Variants in SPATA22 observed in about 807,000 individuals in gnomAD.
The protein encoded by SPATA22 is spermatogenesis associated 22.
In SPATA22, 29 loss-of-function variants were observed where a neutral mutation model predicts 47.8. That is an observed-to-expected ratio of 0.61 (90% confidence interval 0.45 to 0.83). The LOEUF is 0.83. Among genes scored for constraint, SPATA22 ranks in the 40% least tolerant of loss-of-function variants. The pLI is 0.00. For synonymous variants in SPATA22, 133 were observed against 140.9 expected (o/e 0.94, Z 0.40); for missense variants, 410 against 421.7 (o/e 0.97, Z 0.24).
intron 1 of SPATA22, chr17:3,499,918 T>G (rs1374291248): frequency 2.0e-5 from 3 of 152,208 alleles, no homozygotes; most frequent in Non-Finnish European, 2.9e-5. Context: ...CTTGCACTGG[T>G]TAGCCAAGTT....
rs1428675904 is a variant in SPATA22, at chr17:3,462,490, C to A, written c.322G>T (p.Gly108Cys). 1.2e-5 allele frequency: 19 copies of A among 1,597,346 alleles called. No individual in the cohort carries two copies. The highest frequency in any genetic ancestry group is 1.4e-5 in the Non-Finnish European group (17 of 1,174,902). The change falls in exon 5 of 9, where the codon GGT (glycine) becomes TGT (cysteine). Residue 108 changes from glycine (G) to cysteine (C), a missense_variant. Transcript: ENST00000572969. ...IQSNTGRSQG[G>C]WSYRDGNKNT... is the part of the protein sequence containing the mutation. ...AATTTTAAGTAGACTCACCTCCAAC[C>A]ACCCTGGCTTCTTCCAGTATTTGAT...
chr17:3,446,716 A>G, intron 6 of SPATA22, 115 bp from the exon 7 acceptor site: 1 of 851,772 alleles, frequency 1.2e-6, no homozygotes, highest in Non-Finnish European at 1.7e-6. Flanking sequence ...TGTAAAAAGA[A>G]CTACTGAAAA....
intron 1 of SPATA22, among the ~76,000 whole-genome samples, chr17:3,508,338 GTGGCGATTCCTCA>G (rs2074061724): frequency 6.6e-6 from 1 of 151,458 alleles, no homozygotes; most frequent in African/African-American, 2.4e-5. Context: ...GGAAGTCAGT[GTGGCGATTCCTCA>G]GGGATCTAGA....
Position 3,490,867 on chromosome 17 carries a change from C to G in SPATA22, c.-73-21469G>C, listed in dbSNP as rs188966597. ...GTTCCTGGAACACCCCACCCCTTAA[C>G]CCCTTATCTCTGCTTCAACCAGAGC... On this transcript the variant is annotated intron_variant, in intron 1 of 8. Transcript: ENST00000541913. The surrounding 1 kb of genome is among the most constrained non-coding windows in gnomAD (Gnocchi z 4.6). 1.3e-5 allele frequency among the ~76,000 whole-genome samples: 2 copies of G among 152,286 alleles called. No individual in the cohort carries two copies. Among genetic ancestry groups the G allele is most frequent in the African/African-American group, 4.8e-5 (2 of 41,574 alleles).
At chr17:3,460,598 G>A (rs2073103452) in intron 5 of SPATA22, among the ~76,000 whole-genome samples, 1 of 151,746 alleles carries the variant, frequency 6.6e-6, no homozygotes, top group Non-Finnish European at 1.5e-5. Context: ...AGACCAGCCT[G>A]GGCAACACAG....
At chr17:3,486,202 G>A (rs1180925115) in intron 1 of SPATA22, among the ~76,000 whole-genome samples, 1 of 152,138 alleles carries the variant, frequency 6.6e-6, no homozygotes, top group Non-Finnish European at 1.5e-5. Flanking sequence ...CCAAAGTGCT[G>A]GGATTACAGG....
chr17:3,471,964 G>T, upstream of SPATA22: 2 of 625,994 alleles, frequency 3.2e-6, no homozygotes, highest in Non-Finnish European at 4.0e-6. Flanking sequence ...GTGGACCCAG[G>T]GATGGCTCCA....
exon 1 of SPATA22, chr17:3,513,662 G>T: frequency 2.5e-6 from 1 of 395,222 alleles, no homozygotes; most frequent in Non-Finnish European, 4.5e-6. Context: ...AGGCTCCCAG[G>T]CTCCAGACTG....
intron 5 of SPATA22, among the ~76,000 whole-genome samples, chr17:3,460,974 C>T (rs1046939699): frequency 1.3e-5 from 2 of 152,030 alleles, no homozygotes; most frequent in African/African-American, 4.8e-5. Context: ...TGTCCATATC[C>T]TAATACTGGT....
At chr17:3,480,473 G>T (rs868566305) in intron 1 of SPATA22, among the ~76,000 whole-genome samples, 4 of 152,182 alleles carry the variant, frequency 2.6e-5, no homozygotes, top group African/African-American at 4.8e-5. Context: ...CAGTTCCTAC[G>T]TGGGGACCAC....
chr17:3,503,722 CAT>C (rs1404183066), intron 1 of SPATA22, among the ~76,000 whole-genome samples: 2 of 152,062 alleles, frequency 1.3e-5, no homozygotes, highest in African/African-American at 4.8e-5. Flanking sequence ...TAATCTATAA[CAT>C]ATTGCTGTGT....
chr17:3,487,073 C>CGTGT (rs59690349), intron 1 of SPATA22, among the ~76,000 whole-genome samples: 74 of 150,878 alleles, frequency 4.9e-4, no homozygotes, highest in African/African-American at 1.6e-3. Context: ...TGTGTGTGTG[C>CGTGT]GTGTGTGTGT....
intron 1 of SPATA22, among the ~76,000 whole-genome samples, chr17:3,491,315 CTT>C (rs1223178744): frequency 6.6e-6 from 1 of 151,860 alleles, no homozygotes; most frequent in Admixed American, 6.6e-5. Flanking sequence ...AGGTAATGGT[CTT>C]TTTTTTCTGC....
At position 3,448,771 on chromosome 17, in the gene SPATA22, T is replaced by C; in HGVS notation, c.672+36A>G. 3.4e-6 allele frequency: 5 copies of C among 1,465,158 alleles called. 1 individual carries two copies. The highest frequency in any genetic ancestry group is 2.8e-6 in the Non-Finnish European group (3 of 1,080,904). 90.8% of individuals were successfully genotyped at this position (1,465,158 alleles called of 1,614,324 possible). On this transcript the variant is annotated intron_variant, in intron 6 of 8. Coordinates refer to ENST00000572969, the MANE Select transcript of SPATA22 (RefSeq NM_001170698.2). ...AATATTTACCTCATATTTTTAAAAA[T>C]GTAAATAAGTCATTAATTTGTATTT...
At chr17:3,440,705 T>C (rs774474950) in intron 8 of SPATA22, 24 of 159,788 alleles carry the variant, frequency 1.5e-4, no homozygotes, top group Non-Finnish European at 2.7e-4. Context: ...ACAATTAGGA[T>C]AGCTGGATGA....
chr17:3,503,076 G>A (rs2074009278), intron 1 of SPATA22: 1 of 152,090 alleles, frequency 6.6e-6, no homozygotes, highest in African/African-American at 2.4e-5. Flanking sequence ...GCCCCACCAG[G>A]GCCCTCCCCG....
chr17:3,478,848 T>C (rs144935185), intron 1 of SPATA22, among the ~76,000 whole-genome samples: 22 of 152,348 alleles, frequency 1.4e-4, no homozygotes, highest in Non-Finnish European at 1.0e-4. Context: ...AAAATCACCC[T>C]AGAACCTTCC....
At chr17:3,462,644 C>T (rs371855375) in intron 4 of SPATA22, 63 bp downstream of exon 4, 23 of 1,572,966 alleles carry the variant, frequency 1.5e-5, no homozygotes, top group Admixed American at 5.0e-5. Context: ...TTAAGATATA[C>T]GTAGAAGAAC....
chr17:3,486,211 G>C (rs2073718783), intron 1 of SPATA22, among the ~76,000 whole-genome samples: 1 of 152,182 alleles, frequency 6.6e-6, no homozygotes, highest in Non-Finnish European at 1.5e-5. Flanking sequence ...TGGGATTACA[G>C]GCGTGAGCCA....
Sources: allele counts gnomAD v4.1 joint callset (sites outside exome capture counted in the v4.1 genomes callset), GRCh38; gene constraint gnomAD v4.1.1; non-coding constraint Gnocchi (gnomAD v3.1); transcripts MANE v1.5; gene names NCBI Gene and HGNC (gene_info 2026-07-23, HGNC 2026-07-21).